The following SGSM1 variants were observed in gnomAD, a reference collection of about 807,000 sequenced individuals.
The protein encoded by SGSM1 is small G protein signaling modulator 1.
In SGSM1, 73 loss-of-function variants were observed where a neutral mutation model predicts 133.8. The ratio of observed to expected loss-of-function variants is 0.55; its 90% CI spans 0.45 to 0.66. The LOEUF (loss-of-function observed/expected upper bound fraction) is 0.66. Ranked by LOEUF, SGSM1 falls within the 30% of genes least tolerant of loss-of-function variation. The probability of loss-of-function intolerance (pLI) is 0.00; values close to 1 mark genes in which losing one functional copy is unlikely to be tolerated. For synonymous variants in SGSM1, 563 were observed against 573.0 expected, an observed-to-expected ratio of 0.98 and a Z score of 0.25; for missense variants, 1,213 against 1,448.1, an observed-to-expected ratio of 0.84 and a Z score of 2.64.
chr22:24,843,210 C>G (rs1367558384), intron 2 of SGSM1, among the ~76,000 whole-genome samples: 1 of 151,624 alleles, frequency 6.6e-6, no homozygotes, highest in Non-Finnish European at 1.5e-5. Context: ...CAATGCCCAG[C>G]TTGGAGTTGG....
At position 24,919,871 on chromosome 22, in the gene SGSM1, C is replaced by T. The variant is rs1207175165; in HGVS notation, c.3071C>T (p.Ala1024Val). The T allele has an allele frequency of 1.9e-6, 3 of 1,614,078 alleles. No homozygotes were observed. Among genetic ancestry groups the T allele is most frequent in the East Asian group, 2.2e-5 (1 of 44,884 alleles). Residue 1024 changes from alanine (A) to valine (V), a missense_variant, in exon 24 of 25, where the codon GCA (alanine) becomes GTA (valine). Coordinates refer to ENST00000400358, the MANE Select transcript of SGSM1 (RefSeq NM_001098497.3). ...TTCTTGGTCTGGGAGACCATCTGGG[C>T]AGCCAAACACGTCTCCTCTGCGCAC... ...DVFLVWETIW[A>V]AKHVSSAHYV...
At chr22:24,837,404 G>A (rs1929493049) in intron 2 of SGSM1, among the ~76,000 whole-genome samples, 1 of 152,204 alleles carries the variant, frequency 6.6e-6, no homozygotes, top group Non-Finnish European at 1.5e-5. Context: ...AGAAGGCAGA[G>A]CCAGGTGTAC....
intron 21 of SGSM1, among the ~76,000 whole-genome samples, chr22:24,905,807 AAAG>A (rs1036704294): frequency 4.6e-5 from 7 of 151,548 alleles, no homozygotes; most frequent in Admixed American, 2.6e-4. Context: ...AAAAAAAAGA[AAAG>A]AAGAAAAGAA....
intron 2 of SGSM1, among the ~76,000 whole-genome samples, chr22:24,836,668 G>C (rs777593742): frequency 3.9e-5 from 6 of 152,170 alleles, no homozygotes; most frequent in African/African-American, 1.2e-4. Flanking sequence ...TCTCATTGTG[G>C]TTTTGATTTG....
In SGSM1 at chr22:24,895,310, C is replaced by T. The variant is rs556585977; in HGVS notation, c.2022+19C>T. The T allele has an allele frequency of 2.3e-5, 37 of 1,603,922 alleles. No homozygotes were observed. The South Asian group carries it at 3.3e-4, about 14-fold the overall frequency. On this transcript the variant is annotated intron_variant, in intron 18 of 24. Coordinates refer to ENST00000400358, the MANE Select transcript of SGSM1 (RefSeq NM_001098497.3). ...CACACAGGTGACCTTGTGGAGGCCTCGCCCCCTCCCACCCACTCCTCTCCC... is the reference window on the plus strand; with the variant it reads ...CACACAGGTGACCTTGTGGAGGCCTTGCCCCCTCCCACCCACTCCTCTCCC...
At chr22:24,893,354 T>C (rs1179940622) in intron 16 of SGSM1, 77 bp from the exon 17 acceptor site, 3 of 1,491,656 alleles carry the variant, frequency 2.0e-6, no homozygotes, top group Non-Finnish European at 9.1e-7. Flanking sequence ...TCAGAGCCAC[T>C]CTCTTCCACG....
intron 2 of SGSM1, among the ~76,000 whole-genome samples, chr22:24,819,324 A>G (rs539438394): frequency 1.7e-4 from 26 of 152,340 alleles, no homozygotes; most frequent in South Asian, 2.1e-4. Context: ...CAGTCACACT[A>G]GCCATATTTC....
chr22:24,856,150 T>G (rs1251220267), intron 8 of SGSM1: 1 of 344,104 alleles, frequency 2.9e-6, no homozygotes, highest in East Asian at 7.7e-5. Context: ...CTCACTTCAT[T>G]GATTCAGCAA....
At chr22:24,894,585 T>G (rs1004645050) in intron 17 of SGSM1, among the ~76,000 whole-genome samples, 1 of 152,204 alleles carries the variant, frequency 6.6e-6, no homozygotes, top group African/African-American at 2.4e-5. Context: ...CAGCTGTCCG[T>G]AACTGGTCAA....
intron 10 of SGSM1, 126 bp downstream of exon 10, chr22:24,867,286 C>T: frequency 1.1e-6 from 1 of 877,606 alleles, no homozygotes; most frequent in Non-Finnish European, 1.8e-6. Flanking sequence ...ACCTGTGCAA[C>T]CTTAGGCAAG....
At position 24,893,538 on chromosome 22, in the gene SGSM1, C is replaced by T. The variant is rs769656823; in HGVS notation, c.1878C>T (p.Ala626=). 1.2e-6 allele frequency: 2 copies of T among 1,609,350 alleles called. No individual in the cohort carries two copies. Among genetic ancestry groups the T allele is most frequent in the Non-Finnish European group, 1.7e-6 (2 of 1,178,094 alleles). The change falls in exon 17 of 25, where the codon GCC becomes GCT. Residue 626 remains alanine, a synonymous_variant. Transcript: ENST00000400358. The part of the protein sequence containing the change: ...RERESHAAAL[A]KCSSGASLDS... ...GGGAGTCCCATGCGGCCGCCCTGGC[C>T]AAATGCTCATCCGGGGCCAGCTTGG...
At chr22:24,919,691 T>C (rs1167766570) in intron 23 of SGSM1, 135 bp from the exon 24 acceptor site, 2 of 849,330 alleles carry the variant, frequency 2.4e-6, no homozygotes, top group Non-Finnish European at 3.7e-6. Flanking sequence ...ACCTGAGTTC[T>C]ATCCACTGCA....
intron 5 of SGSM1, among the ~76,000 whole-genome samples, chr22:24,853,693 G>C (rs1287654172): frequency 6.6e-6 from 1 of 151,048 alleles, no homozygotes; most frequent in East Asian, 1.9e-4. Context: ...TGCAAGCTCC[G>C]CCTCCCAGGT....
At chr22:24,887,942 G>A (rs73157912) in intron 16 of SGSM1, among the ~76,000 whole-genome samples, 22,036 of 152,112 alleles carry the variant, frequency 0.14, 1,802 homozygotes, top group South Asian at 0.3. Context: ...TTTCCTAAAC[G>A]GCTAATGAAG....
Position 24,919,769 on chromosome 22 carries a change from G to A in SGSM1, c.3026-57G>A, listed in dbSNP as rs1021018342. The A allele has an allele frequency of 2.1e-5, 34 of 1,603,050 alleles. No homozygotes were observed. In the African/African-American group the frequency reaches 4.0e-4, roughly 19 times the overall value. On this transcript the variant is annotated intron_variant, in intron 23 of 24. Coordinates refer to ENST00000400358, the MANE Select transcript of SGSM1 (RefSeq NM_001098497.3). The stretch of plus-strand genomic sequence containing the variant: ...ACCTTGGGGGGCTTCCCAAGGCAGG[G>A]CAACACTGTGAGCCCCGTCACCAAT...
chr22:24,866,957 C>T, intron 9 of SGSM1, 136 bp from the exon 10 acceptor site: 2 of 768,554 alleles, frequency 2.6e-6, no homozygotes, highest in Non-Finnish European at 4.4e-6. Context: ...AGAGTCTGGG[C>T]AGGCTGGGAC....
intron 8 of SGSM1, among the ~76,000 whole-genome samples, chr22:24,859,017 A>G (rs1020666525): frequency 1.3e-5 from 2 of 152,360 alleles, no homozygotes; most frequent in East Asian, 1.9e-4. Flanking sequence ...CTTTGGATCA[A>G]TGAAATACTG....
Position 24,868,412 on chromosome 22 carries a change from A to G in SGSM1, c.1031A>G (p.Asp344Gly). 5.0e-6 allele frequency: 8 copies of G among 1,613,678 alleles called. No homozygotes were observed. Among genetic ancestry groups the G allele is most frequent in the Non-Finnish European group, 6.8e-6 (8 of 1,179,786 alleles). Residue 344 changes from aspartate (D) to glycine (G), a missense_variant, in exon 11 of 25, where the codon GAC becomes GGC. Physicochemically the swap from Asp to Gly is moderately conservative, Grantham distance 94. Coordinates refer to ENST00000400358, the MANE Select transcript of SGSM1 (RefSeq NM_001098497.3). ...GGGACAGTGGTATTGGTCAGCCAGG[A>G]CGGGATCCAGAGGCCGCCCTTCCGC... Reference protein sequence around the residue: ...SGGTVVLVSQDGIQRPPFRFP... With the variant: ...SGGTVVLVSQGGIQRPPFRFP...
chr22:24,846,384 A>G (rs1930150731), intron 3 of SGSM1, among the ~76,000 whole-genome samples: 1 of 152,036 alleles, frequency 6.6e-6, no homozygotes, highest in African/African-American at 2.4e-5. Context: ...ACATAATTAC[A>G]TACATATATG....
Sources: allele counts gnomAD v4.1 joint callset (sites outside exome capture counted in the v4.1 genomes callset), GRCh38; gene constraint gnomAD v4.1.1; transcripts MANE v1.5; gene names NCBI Gene and HGNC (gene_info 2026-07-23, HGNC 2026-07-21).